The following TRIM35 variants were observed in gnomAD, a reference collection of about 807,000 sequenced individuals.
The protein encoded by TRIM35 is tripartite motif containing 35.
A neutral mutation model predicts 49.1 loss-of-function variants in TRIM35; 37 were observed. The ratio of observed to expected loss-of-function variants is 0.75; its 90% CI spans 0.58 to 0.99. TRIM35 has a LOEUF of 0.99. TRIM35 is among the 50% of genes least tolerant of loss of function. The pLI, the probability that TRIM35 is intolerant of heterozygous loss-of-function variation, is 0.00. For synonymous variants in TRIM35, 302 were observed against 289.3 expected, an observed-to-expected ratio of 1.04 and a Z score of -0.45; for missense variants, 648 against 702.7, an observed-to-expected ratio of 0.92 and a Z score of 0.88.
intron 1 of TRIM35, among the ~76,000 whole-genome samples, chr8:27,306,088 G>C (rs1040443022): frequency 2.0e-5 from 3 of 152,084 alleles, no homozygotes; most frequent in Non-Finnish European, 2.9e-5. Flanking sequence ...TGGGATTACA[G>C]GCATGAAACA....
In TRIM35 at chr8:27,303,391, T is replaced by TA. The variant is rs1243621845; in HGVS notation, c.436-4833_436-4832insT. ...CATTTTTTATTCCATTTTCCCCTTC[T>TA]GTGCATCTAGTGGTTCACCTAGGAA... On this transcript the variant is annotated intron_variant, in intron 1 of 5. Coordinates refer to ENST00000305364, the MANE Select transcript of TRIM35 (RefSeq NM_171982.5). Among the ~76,000 whole-genome samples the TA allele has an allele frequency of 2.0e-5, 3 of 152,250 alleles. No individual in the cohort carries two copies. In the East Asian group the frequency reaches 5.8e-4, roughly 29 times the overall value.
rs1001899902 is a variant in TRIM35, at chr8:27,287,477, C to G, written c.*73G>C. ...AGGCAGGGGCGCAATAGTGCCCAAG[C>G]AGTGTGGGCATTAGGAAGAGGGCAG... On this transcript the variant is annotated 3_prime_UTR_variant, in exon 6 of 6. Transcript: ENST00000305364. The surrounding 1 kb of genome is among the most constrained non-coding windows in gnomAD (Gnocchi z 6.0). 5 of 1,434,504 alleles carry G rather than the reference C, an allele frequency of 3.5e-6. No individual in the cohort carries two copies. The highest frequency in any genetic ancestry group is 4.6e-6 in the Non-Finnish European group (5 of 1,075,310). 88.9% of individuals were successfully genotyped at this position (1,434,504 alleles called of 1,614,324 possible).
chr8:27,289,260 G>A lies in TRIM35; in HGVS notation c.806C>T (p.Pro269Leu). The A allele has an allele frequency of 1.2e-6, 2 of 1,614,130 alleles. No homozygotes were observed. The highest frequency in any genetic ancestry group is 1.1e-5 in the South Asian group (1 of 91,088). Residue 269 changes from proline to leucine, a missense_variant, in exon 5 of 6, where the codon CCA becomes CTA. Coordinates refer to ENST00000305364, the MANE Select transcript of TRIM35 (RefSeq NM_171982.5). ...AAGCATGCCGGGCTGGACTGGCTCTGGCTCCATGGTGCAGAAGAGTCTGGA... is the reference window on the plus strand; with the variant it reads ...AAGCATGCCGGGCTGGACTGGCTCTAGCTCCATGGTGCAGAAGAGTCTGGA... ...RKRRLFCTME[P>L]EPVQPGMLID...
rs1298868263 is a variant in TRIM35, at chr8:27,287,241, T to C, written c.*309A>G. 1 of 355,362 alleles carries C rather than the reference T, an allele frequency of 2.8e-6. No individual in the cohort carries two copies. The highest frequency in any genetic ancestry group is 2.1e-5 in the African/African-American group (1 of 47,870). 22.0% of individuals were successfully genotyped at this position (355,362 alleles called of 1,614,324 possible). A position where few individuals can be genotyped will look rare whatever the true frequency, so the allele number is the denominator to read the frequency against. ...GATGAGATGGTTTACAACAGGCCCA[T>C]TCTAGAAGTAAACATTATTCCCAGA... On this transcript the variant is annotated 3_prime_UTR_variant, in exon 6 of 6. Coordinates refer to ENST00000305364, the MANE Select transcript of TRIM35 (RefSeq NM_171982.5). This position sits in a 1 kb window ranked among gnomAD's most constrained non-coding sequence, Gnocchi z 6.0.
rs116844511 is a variant in TRIM35 at position 27,309,620 on chromosome 8, T to C, written c.435+1181A>G. Reference sequence around the variant, plus strand: ...GGCCAGCTACCCAGTGTTCTCCCAATTGGGGCTCTGACTCATGCATTAGCA... The same window carrying C: ...GGCCAGCTACCCAGTGTTCTCCCAACTGGGGCTCTGACTCATGCATTAGCA... On this transcript the variant is annotated intron_variant, in intron 1 of 5. Transcript: ENST00000305364. 3.1e-3 allele frequency among the ~76,000 whole-genome samples: 475 copies of C among 152,238 alleles called. 2 individuals are homozygous for C. The highest frequency in any genetic ancestry group is 4.1e-3 in the Non-Finnish European group (281 of 68,022).
Position 27,311,188 on chromosome 8 carries a change from C to T in TRIM35, c.48G>A (p.Lys16=), listed in dbSNP as rs748641937. The T allele has an allele frequency of 6.9e-6, 11 of 1,601,432 alleles. No individual in the cohort carries two copies. The highest frequency in any genetic ancestry group is 9.4e-6 in the Non-Finnish European group (11 of 1,173,524). Residue 16 remains lysine (K), a synonymous_variant, in exon 1 of 6, where the codon AAG becomes AAA. Transcript: ENST00000305364. ...DVSPGPSRSF[K]EELLCAVCYD... The stretch of plus-strand genomic sequence containing the variant: ...AGCAGACGGCGCAGAGCAACTCCTC[C>T]TTGAAGGAGCGGGAAGGCCCGGGGG...
chr8:27,290,054 A>G (rs1443770690), intron 4 of TRIM35, 102 bp downstream of exon 4: 4 of 1,345,826 alleles, frequency 3.0e-6, no homozygotes, highest in Non-Finnish European at 4.2e-6. Context: ...GTGCTGGTGC[A>G]CCCAGCTGGT....
intron 1 of TRIM35, among the ~76,000 whole-genome samples, chr8:27,301,642 C>T (rs1477752808): frequency 2.0e-5 from 3 of 151,518 alleles, no homozygotes; most frequent in Non-Finnish European, 4.4e-5. Context: ...ATATTTTCTA[C>T]TTCATCATTT....
At chr8:27,307,176 A>T (rs1802803265) in intron 1 of TRIM35, among the ~76,000 whole-genome samples, 1 of 152,110 alleles carries the variant, frequency 6.6e-6, no homozygotes, top group Non-Finnish European at 1.5e-5. Flanking sequence ...CCAGGCTCCC[A>T]AATCTCATCA....
At chr8:27,293,911 G>A (rs1802507624) in intron 3 of TRIM35, 169 bp downstream of exon 3, 2 of 624,410 alleles carry the variant, frequency 3.2e-6, no homozygotes, top group South Asian at 4.1e-5. Flanking sequence ...GCCCTGATAA[G>A]TCTTTTTAGT....
chr8:27,291,847 G>C (rs553489566), intron 3 of TRIM35, among the ~76,000 whole-genome samples: 1 of 152,300 alleles, frequency 6.6e-6, no homozygotes, highest in East Asian at 1.9e-4. Context: ...ATAAGACCAA[G>C]AGCAAGAGAG....
chr8:27,308,188 C>T (rs1802826656), intron 1 of TRIM35, among the ~76,000 whole-genome samples: 2 of 150,276 alleles, frequency 1.3e-5, no homozygotes, highest in African/African-American at 5.1e-5. Context: ...ACCTCCAGAA[C>T]CATAAGAGAA....
rs1000856019 is a variant in TRIM35 at position 27,303,629 on chromosome 8, G to A, written c.436-5070C>T. ...GGAGCATCCCCCAGCCCAAGCTCAGGAGAGCAAACAAGCTTCGATGTTAGC... is the reference window on the plus strand; with the variant it reads ...GGAGCATCCCCCAGCCCAAGCTCAGAAGAGCAAACAAGCTTCGATGTTAGC... On this transcript the variant is annotated intron_variant, in intron 1 of 5. Transcript: ENST00000305364. 7.9e-5 allele frequency among the ~76,000 whole-genome samples: 12 copies of A among 152,286 alleles called. No individual in the cohort carries two copies. The South Asian group carries it at 2.3e-3, about 29-fold the overall frequency.
intron 3 of TRIM35, among the ~76,000 whole-genome samples, chr8:27,293,667 C>G (rs1478445761): frequency 6.6e-6 from 1 of 151,844 alleles, no homozygotes; most frequent in Non-Finnish European, 1.5e-5. Context: ...TAGTGAGACC[C>G]CCCTCACCCC....
intron 1 of TRIM35, among the ~76,000 whole-genome samples, chr8:27,305,606 T>C (rs2322603): frequency 0.56 from 85,622 of 152,008 alleles, 24,702 homozygotes; most frequent in African/African-American, 0.66. Context: ...AGAGTACCCT[T>C]GGGTTAGATC....
chr8:27,307,201 C>T lies in TRIM35; in HGVS notation c.435+3600G>A, dbSNP rs539619684. 1.2e-4 allele frequency among the ~76,000 whole-genome samples: 19 copies of T among 152,196 alleles called. 1 individual carries two copies. The South Asian group carries it at 2.5e-3, about 20-fold the overall frequency. On this transcript the variant is annotated intron_variant, in intron 1 of 5. Transcript: ENST00000305364. ...AAATCTCATCAGTCCTTCCATCATG[C>T]GCCACTGCACCTACGATAAAAATCC...
chr8:27,287,654 C>A lies in TRIM35; in HGVS notation c.1378G>T (p.Val460Phe). Reference protein sequence around the residue: ...LYTFHARFGEVRPYFYLGGAR... With the variant: ...LYTFHARFGEFRPYFYLGGAR... ...CCCCCCAGGTAGAAGTAGGGGCGAA[C>A]CTCCCCAAAGCGGGCGTGGAAGGTG... is the stretch of plus-strand genomic sequence containing the variant. The change falls in exon 6 of 6, where the codon GTT (valine) becomes TTT (phenylalanine). Residue 460 changes from valine to phenylalanine, a missense_variant. Transcript: ENST00000305364. This position sits in a 1 kb window ranked among gnomAD's most constrained non-coding sequence, Gnocchi z 6.0. 6.2e-7 allele frequency: 1 copy of A among 1,610,250 alleles called. No individual in the cohort carries two copies. Among genetic ancestry groups the A allele is most frequent in the Middle Eastern group, 1.7e-4 (1 of 6,060 alleles).
chr8:27,289,865 G>A (rs578042316), intron 4 of TRIM35, among the ~76,000 whole-genome samples: 69 of 152,296 alleles, frequency 4.5e-4, no homozygotes, highest in Non-Finnish European at 6.6e-4. Flanking sequence ...GACTGGCCCC[G>A]AGAAATGCAA....
chr8:27,286,818 A>G lies in TRIM35; in HGVS notation c.*732T>C, dbSNP rs1295397550. ...CTAGAGATGGCAAGCATCTGGCTGA[A>G]AGCATGCCTTTCCTATGGAAACCAA... On this transcript the variant is annotated 3_prime_UTR_variant, in exon 6 of 6. Transcript: ENST00000305364. The G allele has an allele frequency of 6.6e-6, 1 of 152,620 alleles. No individual in the cohort carries two copies. The highest frequency in any genetic ancestry group is 1.5e-5 in the Non-Finnish European group (1 of 68,400). The allele number at this position is 152,620 out of a possible 1,614,324, so 9.5% of individuals were successfully genotyped here.
Sources: allele counts gnomAD v4.1 joint callset (sites outside exome capture counted in the v4.1 genomes callset), GRCh38; gene constraint gnomAD v4.1.1; non-coding constraint Gnocchi (gnomAD v3.1); transcripts MANE v1.5; gene names NCBI Gene and HGNC (gene_info 2026-07-23, HGNC 2026-07-21).